PCDH9: variants seen among roughly 807,000 people sequenced by gnomAD.
The protein encoded by PCDH9 is protocadherin-9.
In PCDH9, 24 loss-of-function variants were observed where a neutral mutation model predicts 70.6. The observed-to-expected ratio is 0.34, with a 90% CI of 0.25 to 0.48. The LOEUF is 0.48. Among genes scored for constraint, PCDH9 ranks in the 20% least tolerant of loss-of-function variants. PCDH9 has a pLI of 0.99. For synonymous variants in PCDH9, 562 were observed against 558.5 expected, an observed-to-expected ratio of 1.01 and a Z score of -0.09; for missense variants, 1,281 against 1,503.6, an observed-to-expected ratio of 0.85 and a Z score of 2.45.
chr13:66,714,637 T>C (rs2078846025), intron 3 of PCDH9, among the ~76,000 whole-genome samples: 1 of 152,164 alleles, frequency 6.6e-6, no homozygotes, highest in African/African-American at 2.4e-5. Flanking sequence ...CCTATTAATC[T>C]TTTATTAAAC....
intron 4 of PCDH9, among the ~76,000 whole-genome samples, chr13:66,519,068 A>C (rs1364292933): frequency 6.6e-6 from 1 of 152,126 alleles, no homozygotes; most frequent in African/African-American, 2.4e-5. Context: ...ACTACTATGC[A>C]TGTGGCCACA....
At chr13:67,095,678 G>A (rs2086305698) in intron 2 of PCDH9, among the ~76,000 whole-genome samples, 1 of 152,148 alleles carries the variant, frequency 6.6e-6, no homozygotes, top group African/African-American at 2.4e-5. Flanking sequence ...AGGATTAAAT[G>A]AGATAATGTC....
At chr13:66,431,604 C>G (rs1461468450) in intron 4 of PCDH9, among the ~76,000 whole-genome samples, 1 of 151,962 alleles carries the variant, frequency 6.6e-6, no homozygotes, top group Non-Finnish European at 1.5e-5. Flanking sequence ...TACCCAAATA[C>G]CAGTATAACA....
At chr13:66,319,074 G>C (rs577493874) in intron 4 of PCDH9, among the ~76,000 whole-genome samples, 51 of 152,238 alleles carry the variant, frequency 3.4e-4, no homozygotes, top group African/African-American at 1.2e-3. Flanking sequence ...CGCATGGCTG[G>C]GAGGCCTCAG....
At chr13:66,511,553 T>A (rs1331891395) in intron 4 of PCDH9, among the ~76,000 whole-genome samples, 2 of 152,022 alleles carry the variant, frequency 1.3e-5, no homozygotes, top group Non-Finnish European at 2.9e-5. Flanking sequence ...TGATAACTGA[T>A]CTAGTGTGGA....
At chr13:66,695,343 C>G (rs4591019) in intron 3 of PCDH9, among the ~76,000 whole-genome samples, 48,623 of 152,048 alleles carry the variant, frequency 0.32, 8,533 homozygotes, top group East Asian at 0.51. Flanking sequence ...TTCAGTAACA[C>G]CTTTAATGAA....
At chr13:66,996,125 A>G (rs1407441711) in intron 2 of PCDH9, 2 of 152,224 alleles carry the variant, frequency 1.3e-5, no homozygotes, top group African/African-American at 4.8e-5. Context: ...GCACAAGGAA[A>G]GTGCTATGTA....
intron 2 of PCDH9, among the ~76,000 whole-genome samples, chr13:66,935,536 C>G (rs1221333143): frequency 6.6e-6 from 1 of 151,978 alleles, no homozygotes; most frequent in Admixed American, 6.6e-5. Context: ...TAAGCTCTAC[C>G]TAGGTGAACA....
At chr13:67,156,867 G>A (rs2087826961) in intron 2 of PCDH9, among the ~76,000 whole-genome samples, 1 of 152,140 alleles carries the variant, frequency 6.6e-6, no homozygotes, top group Non-Finnish European at 1.5e-5. Context: ...TCCTCTAGAG[G>A]TCTGAGCAGT....
chr13:66,396,417 C>G (rs1416530913), intron 4 of PCDH9, among the ~76,000 whole-genome samples: 1 of 152,194 alleles, frequency 6.6e-6, no homozygotes, highest in Non-Finnish European at 1.5e-5. Flanking sequence ...CTACCACATG[C>G]TGGAGACCCG....
At chr13:66,470,548 G>C (rs1958597828) in intron 4 of PCDH9, among the ~76,000 whole-genome samples, 1 of 151,982 alleles carries the variant, frequency 6.6e-6, no homozygotes, top group Non-Finnish European at 1.5e-5. Flanking sequence ...CAGTTTAACT[G>C]TGTAGAGAAG....
In PCDH9 at chr13:67,225,761, C is replaced by T. The variant is rs764515906; in HGVS notation, c.2680G>A (p.Asp894Asn). Reference protein sequence around the residue: ...FVTIEESKPDDAVHEPINGTI... With the variant: ...FVTIEESKPDNAVHEPINGTI... Reference sequence around the variant, plus strand: ...CCATTGATAGGTTCATGAACTGCATCATCGGGTTTGGACTCTTCGATAGTA... The same window carrying T: ...CCATTGATAGGTTCATGAACTGCATTATCGGGTTTGGACTCTTCGATAGTA... Residue 894 changes from aspartate (D) to asparagine (N), a missense_variant, in exon 2 of 5, where the codon GAT (aspartate) becomes AAT (asparagine). Transcript: ENST00000377865. 80 of 1,614,016 alleles carry T rather than the reference C, an allele frequency of 5.0e-5. No individual in the cohort carries two copies. The highest frequency in any genetic ancestry group is 6.5e-5 in the Non-Finnish European group (77 of 1,180,014).
intron 4 of PCDH9, among the ~76,000 whole-genome samples, chr13:66,557,408 C>T (rs561729569): frequency 5.3e-5 from 8 of 151,990 alleles, no homozygotes; most frequent in Middle Eastern, 3.4e-3. Context: ...TAATAGTAAG[C>T]GTAGTCTATT....
At chr13:66,448,235 T>A (rs1369888930) in intron 4 of PCDH9, among the ~76,000 whole-genome samples, 2 of 152,198 alleles carry the variant, frequency 1.3e-5, no homozygotes. Flanking sequence ...GATGACCTAA[T>A]ATTGGAAATT....
chr13:66,830,865 T>C (rs1236552275), intron 3 of PCDH9, among the ~76,000 whole-genome samples: 1 of 152,252 alleles, frequency 6.6e-6, no homozygotes, highest in Non-Finnish European at 1.5e-5. Context: ...AAATTAGATC[T>C]AGGTAATATT....
intron 2 of PCDH9, among the ~76,000 whole-genome samples, chr13:67,100,955 A>T (rs566938946): frequency 8.7e-4 from 132 of 152,288 alleles, no homozygotes; most frequent in Non-Finnish European, 3.2e-4. Flanking sequence ...ATGCAAAGTG[A>T]CTCACAAATG....
At chr13:66,517,002 T>C (rs1027118023) in intron 4 of PCDH9, among the ~76,000 whole-genome samples, 1 of 152,120 alleles carries the variant, frequency 6.6e-6, no homozygotes, top group African/African-American at 2.4e-5. Flanking sequence ...TTTCTAAGAC[T>C]GCTTTCCTGC....
intron 2 of PCDH9, among the ~76,000 whole-genome samples, chr13:67,110,857 AT>A (rs2086645909): frequency 6.6e-6 from 1 of 152,166 alleles, no homozygotes; most frequent in Admixed American, 6.5e-5. Flanking sequence ...AATGCAACCT[AT>A]TTTATCCTGT....
intron 2 of PCDH9, among the ~76,000 whole-genome samples, chr13:66,938,493 A>G (rs911089522): frequency 1.3e-5 from 2 of 152,192 alleles, no homozygotes; most frequent in African/African-American, 4.8e-5. Context: ...TGAAAGAAAC[A>G]AGCTGTGGCA....
Sources: gnomAD v4.1 joint callset for allele counts (sites outside exome capture counted in the v4.1 genomes callset) on GRCh38, gnomAD v4.1.1 for gene constraint, MANE v1.5 for transcripts, NCBI Gene and HGNC (gene_info 2026-07-23, HGNC 2026-07-21) for gene names.